GOSR1: variants seen among roughly 807,000 people sequenced by gnomAD.
GOSR1 encodes the protein 28 kDa Golgi SNARE protein.
A neutral mutation model predicts 35.5 loss-of-function variants in GOSR1; 21 were observed. The observed-to-expected ratio is 0.59, with a 90% CI of 0.42 to 0.85. The LOEUF (loss-of-function observed/expected upper bound fraction) is 0.85. Among genes scored for constraint, GOSR1 ranks in the 40% least tolerant of loss-of-function variants. The pLI is 0.00. For missense variants in GOSR1, 285 were observed against 309.6 expected, an observed-to-expected ratio of 0.92 and a Z score of 0.60; for synonymous variants, 94 against 106.6, an observed-to-expected ratio of 0.88 and a Z score of 0.73.
At chr17:30,487,212 A>G (rs73279520) in intron 4 of GOSR1, among the ~76,000 whole-genome samples, 3,392 of 152,304 alleles carry the variant, frequency 0.022, 115 homozygotes, top group African/African-American at 0.07. Flanking sequence ...TCAGTGGGGC[A>G]AAGAGAAATT....
chr17:30,510,535 G>A (rs61497452), intron 6 of GOSR1: 70,537 of 161,310 alleles, frequency 0.44, 16,255 homozygotes, highest in East Asian at 0.83. Context: ...CCAACATGGC[G>A]AAACCTCATC....
intron 7 of GOSR1, 79 bp from the exon 8 acceptor site, chr17:30,519,860 T>C: frequency 1.2e-6 from 1 of 847,754 alleles, no homozygotes; most frequent in Non-Finnish European, 2.0e-6. Context: ...ACTGTAGTTT[T>C]CTTTCACTTT....
intron 1 of GOSR1, chr17:30,478,877 T>C (rs565755898): frequency 6.6e-6 from 1 of 152,318 alleles, no homozygotes; most frequent in East Asian, 1.9e-4. Context: ...TTTAAAATTA[T>C]GTAGAAGAGG....
intron 7 of GOSR1, 75 bp from the exon 8 acceptor site, chr17:30,519,864 T>G (rs748514869): frequency 1.1e-6 from 1 of 880,128 alleles, no homozygotes. Flanking sequence ...TAGTTTTCTT[T>G]CACTTTTAAA....
intron 6 of GOSR1, among the ~76,000 whole-genome samples, chr17:30,504,564 T>C (rs1262182553): frequency 6.6e-6 from 1 of 152,244 alleles, no homozygotes; most frequent in Non-Finnish European, 1.5e-5. Context: ...CTTTATTTGA[T>C]TCATGTAAAT....
In GOSR1 at chr17:30,525,581, T is replaced by G. The variant is rs1839021468; in HGVS notation, c.*3203T>G. 1 of 152,236 alleles carries G rather than the reference T, an allele frequency of 6.6e-6. No homozygotes were observed. The highest frequency in any genetic ancestry group is 2.4e-5 in the African/African-American group (1 of 41,456). 9.4% of individuals were successfully genotyped at this position (152,236 alleles called of 1,614,324 possible). ...AATTTATGGGACTTTGCTATGTAGTTGGCATTTATAAAATCTGAAGTATCA... is the reference window on the plus strand; with the variant it reads ...AATTTATGGGACTTTGCTATGTAGTGGGCATTTATAAAATCTGAAGTATCA... On this transcript the variant is annotated 3_prime_UTR_variant, in exon 9 of 9. Coordinates refer to ENST00000451249, the MANE Select transcript of GOSR1 (RefSeq NM_001007025.2).
Position 30,481,172 on chromosome 17 carries a change from A to G in GOSR1, c.61A>G (p.Asn21Asp). 10 of 1,600,202 alleles carry G rather than the reference A, an allele frequency of 6.2e-6. No homozygotes were observed. Among genetic ancestry groups the G allele is most frequent in the Non-Finnish European group, 8.6e-6 (10 of 1,167,296 alleles). Residue 21 changes from asparagine (N) to aspartate (D), a missense_variant, in exon 2 of 9, where the codon AAT becomes GAT. By Grantham distance (23) the Asn-to-Asp change is conservative (BLOSUM62 1). Transcript: ENST00000451249. The stretch of plus-strand genomic sequence containing the variant: ...CAGGAAACAGGCTCGACAGCTGGAA[A>G]ATGAACTTGACCTGAAACTAGTTTC... Reference protein sequence around the residue: ...DLRKQARQLENELDLKLVSFS... With the variant: ...DLRKQARQLEDELDLKLVSFS...
intron 1 of GOSR1, chr17:30,478,983 C>T (rs2143573019): frequency 6.6e-6 from 1 of 152,294 alleles, no homozygotes; most frequent in Middle Eastern, 3.4e-3. Flanking sequence ...CTACTCTGTG[C>T]CAGCTGCTGT....
chr17:30,520,283 A>G (rs2143931636), intron 8 of GOSR1: 1 of 304,242 alleles, frequency 3.3e-6, no homozygotes, highest in Admixed American at 5.1e-5. Context: ...ATTATCCACC[A>G]ATTTCTTCTA....
chr17:30,493,285 C>T (rs796306719), intron 6 of GOSR1, among the ~76,000 whole-genome samples: 28 of 152,258 alleles, frequency 1.8e-4, no homozygotes, highest in African/African-American at 6.5e-4. Context: ...TGAGCCACCA[C>T]CGCACCCGGC....
At chr17:30,517,339 TAA>T (rs911583886) in intron 7 of GOSR1, among the ~76,000 whole-genome samples, 14 of 152,232 alleles carry the variant, frequency 9.2e-5, no homozygotes. Flanking sequence ...TAACTTGTGT[TAA>T]GTGACAATTG....
intron 4 of GOSR1, among the ~76,000 whole-genome samples, chr17:30,488,726 C>T (rs1468299277): frequency 6.6e-6 from 1 of 151,430 alleles, no homozygotes; most frequent in Non-Finnish European, 1.5e-5. Context: ...TTAGTAGAGA[C>T]GGGGTTTCGC....
intron 6 of GOSR1, among the ~76,000 whole-genome samples, chr17:30,501,159 C>T (rs987878573): frequency 1.3e-4 from 20 of 152,204 alleles, no homozygotes; most frequent in Admixed American, 7.8e-4. Flanking sequence ...GGATTACAGG[C>T]GTGAGCCACC....
intron 6 of GOSR1, among the ~76,000 whole-genome samples, chr17:30,507,609 G>A (rs1597789795): frequency 2.0e-5 from 3 of 152,078 alleles, no homozygotes; most frequent in East Asian, 3.9e-4. Context: ...TGTAATCCCC[G>A]CTACTCGGGA....
rs929680703 is a variant in GOSR1, at chr17:30,524,680, C to T, written c.*2302C>T. Reference sequence around the variant, plus strand: ...CTCATACCAGCATTGACACTGGTAGCTGAGGAAGGGGACTGCTCAATTTCT... The same window carrying T: ...CTCATACCAGCATTGACACTGGTAGTTGAGGAAGGGGACTGCTCAATTTCT... On this transcript the variant is annotated 3_prime_UTR_variant, in exon 9 of 9. Coordinates refer to ENST00000451249, the MANE Select transcript of GOSR1 (RefSeq NM_001007025.2). The T allele has an allele frequency of 1.3e-5, 2 of 152,158 alleles. No individual in the cohort carries two copies. The highest frequency in any genetic ancestry group is 2.9e-5 in the Non-Finnish European group (2 of 68,038). 9.4% of individuals were successfully genotyped at this position (152,158 alleles called of 1,614,324 possible).
intron 7 of GOSR1, among the ~76,000 whole-genome samples, chr17:30,516,503 C>T (rs1967824116): frequency 6.6e-6 from 1 of 150,402 alleles, no homozygotes; most frequent in Non-Finnish European, 1.5e-5. Flanking sequence ...AAGTCAGTCT[C>T]CTGGTAGTAC....
At chr17:30,519,528 A>G (rs1967948880) in intron 7 of GOSR1, among the ~76,000 whole-genome samples, 1 of 152,110 alleles carries the variant, frequency 6.6e-6, no homozygotes, top group African/African-American at 2.4e-5. Flanking sequence ...TTTCTTTTCT[A>G]TTTTTATAAT....
rs769360670 is a variant in GOSR1, at chr17:30,490,175, G to A, written c.392G>A (p.Arg131Gln). Residue 131 changes from arginine (R) to glutamine (Q), a missense_variant, in exon 5 of 9, where the codon CGG becomes CAG. Arg to Gln is a conservative substitution (Grantham distance 43). Coordinates refer to ENST00000451249, the MANE Select transcript of GOSR1 (RefSeq NM_001007025.2). Reference protein sequence around the residue: ...HKTKANFMAIRERENLMGSVR... With the variant: ...HKTKANFMAIQERENLMGSVR... Reference sequence around the variant, plus strand: ...ACCAAAGCAAACTTTATGGCAATACGGGAAAGGGAGAATCTTATGGGATCA... The same window carrying A: ...ACCAAAGCAAACTTTATGGCAATACAGGAAAGGGAGAATCTTATGGGATCA... 5.1e-6 allele frequency: 8 copies of A among 1,566,736 alleles called. No homozygotes were observed. Among genetic ancestry groups the A allele is most frequent in the Middle Eastern group, 1.7e-4 (1 of 5,914 alleles).
In GOSR1 at chr17:30,522,997, G is replaced by GTGCCGGGAT. The variant is rs1395763088; in HGVS notation, c.*623_*631dup. ...CGCCTGACTGCCTCGGCCTCCCGAG[G>GTGCCGGGAT]TGCCGGGATTGCAGACGGAGTCTCG... On this transcript the variant is annotated 3_prime_UTR_variant, in exon 9 of 9. Transcript: ENST00000451249. The GTGCCGGGAT allele has an allele frequency of 4.8e-6, 1 of 209,050 alleles. No individual in the cohort carries two copies. Among genetic ancestry groups the GTGCCGGGAT allele is most frequent in the Non-Finnish European group, 9.4e-6 (1 of 106,398 alleles). The allele number at this position is 209,050 out of a possible 1,614,324, so 12.9% of individuals were successfully genotyped here. A position where few individuals can be genotyped will look rare whatever the true frequency, so the allele number is the denominator to read the frequency against.
Sources: gnomAD v4.1 joint callset for allele counts (sites outside exome capture counted in the v4.1 genomes callset) on GRCh38, gnomAD v4.1.1 for gene constraint, MANE v1.5 for transcripts, NCBI Gene and HGNC (gene_info 2026-07-23, HGNC 2026-07-21) for gene names.